The following KCNC2 variants were observed in gnomAD, a reference collection of about 807,000 sequenced individuals.
KCNC2 encodes the protein potassium voltage-gated channel subfamily C member 2.
Under a neutral mutation model 44.5 loss-of-function variants are expected in KCNC2, and 21 were observed. The ratio of observed to expected loss-of-function variants is 0.47; its 90% CI spans 0.33 to 0.68. The LOEUF (loss-of-function observed/expected upper bound fraction) is 0.68, where lower values mean the gene tolerates loss of function less well. KCNC2 is among the 30% of genes least tolerant of loss of function. KCNC2 has a pLI of 0.01. For synonymous variants in KCNC2, 391 were observed against 339.1 expected, an observed-to-expected ratio of 1.15 and a Z score of -1.68; for missense variants, 589 against 826.2, an observed-to-expected ratio of 0.71 and a Z score of 3.52.
intron 2 of KCNC2, among the ~76,000 whole-genome samples, chr12:75,146,984 C>G: frequency 6.6e-6 from 1 of 151,806 alleles, no homozygotes; most frequent in East Asian, 1.9e-4. Context: ...AAATAAAAAC[C>G]TTAATATTTA....
At chr12:75,159,117 G>A (rs796872566) in intron 2 of KCNC2, among the ~76,000 whole-genome samples, 30 of 150,644 alleles carry the variant, frequency 2.0e-4, no homozygotes, top group African/African-American at 5.4e-4. Context: ...AGGGCCTGTC[G>A]GAGGGTGGGG....
chr12:75,089,904 A>C (rs774476454), intron 2 of KCNC2, among the ~76,000 whole-genome samples: 5 of 151,824 alleles, frequency 3.3e-5, no homozygotes, highest in Non-Finnish European at 7.4e-5. Context: ...TGCAGATATA[A>C]AACATTTCCA....
At chr12:75,196,718 A>G (rs1339154967) in intron 2 of KCNC2, among the ~76,000 whole-genome samples, 2 of 152,130 alleles carry the variant, frequency 1.3e-5, no homozygotes, top group Non-Finnish European at 2.9e-5. Context: ...CTAATACACT[A>G]ATTAGCTTCC....
intron 2 of KCNC2, among the ~76,000 whole-genome samples, chr12:75,163,119 C>G (rs983771976): frequency 6.6e-6 from 1 of 151,710 alleles, no homozygotes; most frequent in Non-Finnish European, 1.5e-5. Context: ...CCAGTAATAC[C>G]GCTTCCCAGC....
At chr12:75,176,721 T>C (rs1275800452) in intron 2 of KCNC2, among the ~76,000 whole-genome samples, 1 of 152,018 alleles carries the variant, frequency 6.6e-6, no homozygotes, top group Non-Finnish European at 1.5e-5. Flanking sequence ...TCATTTCTAA[T>C]GATATTGTAA....
At chr12:75,073,019 G>A (rs908250750) in intron 2 of KCNC2, among the ~76,000 whole-genome samples, 2 of 152,070 alleles carry the variant, frequency 1.3e-5, no homozygotes, top group African/African-American at 4.8e-5. Context: ...ACCCAAATCT[G>A]ATCTAAACTG....
intron 2 of KCNC2, among the ~76,000 whole-genome samples, chr12:75,055,935 A>G (rs1881699532): frequency 6.6e-6 from 1 of 152,060 alleles, no homozygotes; most frequent in South Asian, 2.1e-4. Context: ...AATGAGTGAA[A>G]TTGAGCTCTA....
chr12:75,193,461 A>G (rs1173911131), intron 2 of KCNC2, among the ~76,000 whole-genome samples: 1 of 152,122 alleles, frequency 6.6e-6, no homozygotes, highest in Non-Finnish European at 1.5e-5. Context: ...AACTGCTCAG[A>G]AGGTCTGGAA....
intron 4 of KCNC2, among the ~76,000 whole-genome samples, chr12:75,046,921 G>A (rs1235967364): frequency 6.6e-6 from 1 of 151,840 alleles, no homozygotes; most frequent in Admixed American, 6.6e-5. Flanking sequence ...GAAATGAAGA[G>A]AAGTACAACA....
intron 2 of KCNC2, among the ~76,000 whole-genome samples, chr12:75,118,767 A>G (rs1887848802): frequency 6.6e-6 from 1 of 152,302 alleles, no homozygotes; most frequent in South Asian, 2.1e-4. Context: ...TGACAGAAAA[A>G]TCGGTTAAGG....
intron 2 of KCNC2, among the ~76,000 whole-genome samples, chr12:75,097,829 A>T (rs1338545905): frequency 6.6e-6 from 1 of 152,130 alleles, no homozygotes; most frequent in Non-Finnish European, 1.5e-5. Flanking sequence ...TTCATCATTT[A>T]TGAAATAGAG....
chr12:75,192,903 A>G (rs1013762740), intron 2 of KCNC2, among the ~76,000 whole-genome samples: 1 of 152,218 alleles, frequency 6.6e-6, no homozygotes, highest in Non-Finnish European at 1.5e-5. Flanking sequence ...CTAAAAGAGT[A>G]TATTTTAAGC....
intron 3 of KCNC2, among the ~76,000 whole-genome samples, chr12:75,050,046 T>C (rs1880997511): frequency 6.6e-6 from 1 of 151,778 alleles, no homozygotes; most frequent in South Asian, 2.1e-4. Context: ...GGATGAAAGA[T>C]GAAAAATGGC....
chr12:75,081,320 A>C (rs1884482683), intron 2 of KCNC2, among the ~76,000 whole-genome samples: 1 of 151,654 alleles, frequency 6.6e-6, no homozygotes, highest in African/African-American at 2.4e-5. Context: ...TTTTGTATAT[A>C]TCAATATGTT....
intron 2 of KCNC2, among the ~76,000 whole-genome samples, chr12:75,094,523 A>T (rs1176490174): frequency 6.6e-6 from 1 of 151,758 alleles, no homozygotes; most frequent in Non-Finnish European, 1.5e-5. Flanking sequence ...CCTCCACTCC[A>T]TCAAATTTAT....
At chr12:75,084,856 G>C (rs1255207026) in intron 2 of KCNC2, among the ~76,000 whole-genome samples, 1 of 151,414 alleles carries the variant, frequency 6.6e-6, no homozygotes, top group Admixed American at 6.6e-5. Context: ...AGAGTTAATG[G>C]AGCTTTTCAA....
At chr12:75,062,981 G>A (rs1417304322) in intron 2 of KCNC2, among the ~76,000 whole-genome samples, 1 of 152,000 alleles carries the variant, frequency 6.6e-6, no homozygotes, top group Non-Finnish European at 1.5e-5. Context: ...TGTGCTGAAA[G>A]CTCTTTGTTA....
intron 2 of KCNC2, among the ~76,000 whole-genome samples, chr12:75,142,728 G>T (rs550746976): frequency 2.0e-5 from 3 of 152,140 alleles, no homozygotes; most frequent in Non-Finnish European, 4.4e-5. Context: ...CCCCTACAAG[G>T]GTTGCTTAGG....
chr12:75,052,636 C>A (rs1357817156), intron 2 of KCNC2, among the ~76,000 whole-genome samples: 2 of 152,058 alleles, frequency 1.3e-5, no homozygotes, highest in East Asian at 3.9e-4. Flanking sequence ...TAGAATGTAT[C>A]CAAAATCCAA....
Sources: allele counts gnomAD v4.1 joint callset (sites outside exome capture counted in the v4.1 genomes callset), GRCh38; gene constraint gnomAD v4.1.1; transcripts MANE v1.5; gene names NCBI Gene and HGNC (gene_info 2026-07-23, HGNC 2026-07-21).